EPHA8: variants seen among roughly 807,000 people sequenced by gnomAD.
The protein encoded by EPHA8 is EPH receptor A8.
EPHA8 carries 58 observed loss-of-function variants against 103.6 expected under a neutral mutation model. The ratio of observed to expected loss-of-function variants is 0.56; its 90% CI spans 0.45 to 0.70. The LOEUF (loss-of-function observed/expected upper bound fraction) is 0.70, where lower values mean the gene tolerates loss of function less well. EPHA8 is among the 30% of genes least tolerant of loss of function. EPHA8 has a pLI of 0.00. For synonymous variants in EPHA8, 559 were observed against 572.5 expected (o/e 0.98, Z 0.34); for missense variants, 1,304 against 1,395.2 (o/e 0.93, Z 1.04).
chr1:22,601,595 C>G, intron 16 of EPHA8, 32 bp from the exon 17 acceptor site: 1 of 1,581,660 alleles, frequency 6.3e-7, no homozygotes, highest in African/African-American at 1.4e-5. Context: ...GCCTCCCAGG[C>G]CCAGCTGGCC....
chr1:22,586,713 A>G, intron 4 of EPHA8, 78 bp downstream of exon 4: 1 of 1,554,894 alleles, frequency 6.4e-7, no homozygotes, highest in Non-Finnish European at 8.8e-7. Flanking sequence ...TCCAGGCCTC[A>G]GAGAGCCAGT....
intron 13 of EPHA8, 54 bp from the exon 14 acceptor site, chr1:22,600,607 G>A: frequency 6.2e-7 from 1 of 1,601,410 alleles, no homozygotes; most frequent in Non-Finnish European, 8.5e-7. Flanking sequence ...AGACGGCTCG[G>A]GGGACACCCT....
intron 2 of EPHA8, among the ~76,000 whole-genome samples, chr1:22,570,143 A>G (rs1411681829): frequency 6.6e-6 from 1 of 152,192 alleles, no homozygotes; most frequent in East Asian, 1.9e-4. Context: ...CTCGATGAAC[A>G]TAGGCTTTTA....
At position 22,595,257 on chromosome 1, in the gene EPHA8, T is replaced by A; in HGVS notation, c.1631T>A (p.Val544Asp). ...CCCCGCTATGACACCAGGACCATTG[T>A]CTGGATCTGCCTGACGCTCATCACG... ...PRPRYDTRTI[V>D]WICLTLITGL... Residue 544 changes from valine (V) to aspartate (D), a missense_variant, in exon 8 of 17, where the codon GTC becomes GAC. Physicochemically the swap from Val to Asp is radical, Grantham distance 152. Coordinates refer to ENST00000166244, the MANE Select transcript of EPHA8 (RefSeq NM_020526.5). 6.2e-7 allele frequency: 1 copy of A among 1,613,670 alleles called. No individual in the cohort carries two copies. Among genetic ancestry groups the A allele is most frequent in the Non-Finnish European group, 8.5e-7 (1 of 1,179,762 alleles).
chr1:22,570,304 G>A (rs556240128), intron 2 of EPHA8, among the ~76,000 whole-genome samples: 8 of 145,966 alleles, frequency 5.5e-5, no homozygotes, highest in Non-Finnish European at 6.0e-5. Context: ...ACATGCACAC[G>A]TGTGCGTGTA....
Position 22,569,495 on chromosome 1 carries a change from G to C in EPHA8, c.159+142G>C. 1.2e-6 allele frequency: 1 copy of C among 823,992 alleles called. No homozygotes were observed. Among genetic ancestry groups the C allele is most frequent in the Non-Finnish European group, 1.9e-6 (1 of 530,632 alleles). 51.0% of individuals were successfully genotyped at this position (823,992 alleles called of 1,614,324 possible). The stretch of plus-strand genomic sequence containing the variant: ...CTTACCCAAGGGCACACAGCAGTTA[G>C]TGCTGCTGATCTCTTAACAGTTTAG... On this transcript the variant is annotated intron_variant, in intron 2 of 16. Coordinates refer to ENST00000166244, the MANE Select transcript of EPHA8 (RefSeq NM_020526.5). The surrounding 1 kb of genome is among the most constrained non-coding windows in gnomAD (Gnocchi z 4.5).
intron 1 of EPHA8, among the ~76,000 whole-genome samples, chr1:22,564,683 A>AC (rs1640305858): frequency 1.3e-5 from 2 of 151,702 alleles, no homozygotes; most frequent in South Asian, 4.2e-4. Context: ...CTCCCTGGAG[A>AC]CCCCAGCTCC....
At chr1:22,596,652 T>C (rs1323054076) in intron 9 of EPHA8, among the ~76,000 whole-genome samples, 3 of 151,798 alleles carry the variant, frequency 2.0e-5, no homozygotes, top group Non-Finnish European at 4.4e-5. Flanking sequence ...ATTTTATTAT[T>C]TTTTATTTTT....
Position 22,576,199 on chromosome 1 carries a change from T to C in EPHA8, c.160-18T>C, listed in dbSNP as rs750629927. On this transcript the variant is annotated intron_variant, in intron 2 of 16. Transcript: ENST00000166244. The surrounding 1 kb of genome is among the most constrained non-coding windows in gnomAD (Gnocchi z 4.8). The stretch of plus-strand genomic sequence containing the variant: ...GGTGCTGGCTCTGCTGTAGTGGCTG[T>C]GTTCTCTCTGCCCACAGTGGGACTC... 5 of 1,591,426 alleles carry C rather than the reference T, an allele frequency of 3.1e-6. No individual in the cohort carries two copies. The highest frequency in any genetic ancestry group is 3.4e-6 in the Non-Finnish European group (4 of 1,166,960).
intron 13 of EPHA8, among the ~76,000 whole-genome samples, chr1:22,600,067 TGGA>T (rs1403089304): frequency 2.2e-5 from 1 of 45,718 alleles, no homozygotes; most frequent in Admixed American, 2.2e-4. Flanking sequence ...GAAGGGGGGA[TGGA>T]GGGAGGAAGG....
At chr1:22,599,752 A>C (rs1269798199) in intron 13 of EPHA8, among the ~76,000 whole-genome samples, 4 of 46,130 alleles carry the variant, frequency 8.7e-5, no homozygotes, top group Non-Finnish European at 3.8e-5. Flanking sequence ...GGGAGGAAGG[A>C]GGGAAAGAAG....
At chr1:22,568,925 C>G (rs1183691806) in intron 1 of EPHA8, among the ~76,000 whole-genome samples, 7 of 152,190 alleles carry the variant, frequency 4.6e-5, no homozygotes, top group Non-Finnish European at 1.0e-4. Flanking sequence ...AGGGGGCTTG[C>G]CCAGGGACTC....
rs372974503 is a variant in EPHA8, at chr1:22,599,054, C to T, written c.2388+7C>T. 1.6e-5 allele frequency: 26 copies of T among 1,590,842 alleles called. No individual in the cohort carries two copies. Among genetic ancestry groups the T allele is most frequent in the East Asian group, 9.1e-5 (4 of 43,970 alleles). ...TGCTGCCTACACCACCACGGTGCGT[C>T]GCCCACACTCCTTCCGGCTAGACTG... On this transcript the variant is annotated splice_region_variant and intron_variant, in intron 13 of 16. Coordinates refer to ENST00000166244, the MANE Select transcript of EPHA8 (RefSeq NM_020526.5).
chr1:22,580,107 C>T (rs1641001123), intron 3 of EPHA8, among the ~76,000 whole-genome samples: 1 of 146,218 alleles, frequency 6.8e-6, no homozygotes, highest in Non-Finnish European at 1.5e-5. Context: ...CCCGGAGGCT[C>T]TCTGGTTTTC....
At chr1:22,600,833 T>G (rs209701) in intron 14 of EPHA8, 23 bp downstream of exon 14, 565,862 of 1,592,448 alleles carry the variant, frequency 0.36, 106,504 homozygotes, top group African/African-American at 0.68. Context: ...CCCTGGCAGG[T>G]CCGCGGGCGG....
chr1:22,595,339 C>T lies in EPHA8; in HGVS notation c.1697+16C>T. 2.5e-6 allele frequency: 4 copies of T among 1,598,712 alleles called. No homozygotes were observed. The highest frequency in any genetic ancestry group is 3.4e-6 in the Non-Finnish European group (4 of 1,170,966). On this transcript the variant is annotated intron_variant, in intron 8 of 16. Coordinates refer to ENST00000166244, the MANE Select transcript of EPHA8 (RefSeq NM_020526.5). ...GCAAGAAGAGGTGGGTGGTCTGGCC[C>T]AGCCACACCCAGCCCCTCCTCTCAA...
chr1:22,589,107 A>G lies in EPHA8; in HGVS notation c.1216A>G (p.Met406Val). 1 of 1,613,786 alleles carries G rather than the reference A, an allele frequency of 6.2e-7. No individual in the cohort carries two copies. The highest frequency in any genetic ancestry group is 1.3e-5 in the African/African-American group (1 of 75,062). The change falls in exon 5 of 17, where the codon ATG (methionine) becomes GTG (valine). Residue 406 changes from methionine (M) to valine (V), a missense_variant. Coordinates refer to ENST00000166244, the MANE Select transcript of EPHA8 (RefSeq NM_020526.5). The surrounding 1 kb of genome is among the most constrained non-coding windows in gnomAD (Gnocchi z 4.3). ...SLLVANLLAH[M>V]NYSFWIEAVN... Reference sequence around the variant, plus strand: ...GCTGGTGGCCAACCTGCTGGCCCACATGAACTACTCCTTCTGGATCGAGGC... The same window carrying G: ...GCTGGTGGCCAACCTGCTGGCCCACGTGAACTACTCCTTCTGGATCGAGGC...
chr1:22,601,445 C>A lies in EPHA8; in HGVS notation c.2875C>A (p.Leu959Met). ...CTTCGCTGCGGGCGGATACTCCTCTCTGGGCATGGTGCTACGCATGAACGC... is the reference window on the plus strand; with the variant it reads ...CTTCGCTGCGGGCGGATACTCCTCTATGGGCATGGTGCTACGCATGAACGC... ...DHFAAGGYSS[L>M]GMVLRMNAQD... The change falls in exon 16 of 17, where the codon CTG (leucine) becomes ATG (methionine). Residue 959 changes from leucine to methionine, a missense_variant. Coordinates refer to ENST00000166244, the MANE Select transcript of EPHA8 (RefSeq NM_020526.5). 2 of 1,610,422 alleles carry A rather than the reference C, an allele frequency of 1.2e-6. No homozygotes were observed. Among genetic ancestry groups the A allele is most frequent in the South Asian group, 2.2e-5 (2 of 91,072 alleles).
chr1:22,600,864 A>T (rs1414310421), intron 14 of EPHA8, 34 bp from the exon 15 acceptor site: 1 of 1,589,418 alleles, frequency 6.3e-7, no homozygotes, highest in South Asian at 1.2e-5. Flanking sequence ...GGGTGCAGGG[A>T]GGGACGGCTG....
Sources: allele counts gnomAD v4.1 joint callset (sites outside exome capture counted in the v4.1 genomes callset), GRCh38; gene constraint gnomAD v4.1.1; non-coding constraint Gnocchi (gnomAD v3.1); transcripts MANE v1.5; gene names NCBI Gene and HGNC (gene_info 2026-07-23, HGNC 2026-07-21).